Variants in ESYT2 observed in about 807,000 individuals in gnomAD.
The protein encoded by ESYT2 is extended synaptotagmin-2.
A neutral mutation model predicts 107.2 loss-of-function variants in ESYT2; 54 were observed. That is an observed-to-expected ratio of 0.50 (90% CI 0.40 to 0.63). The LOEUF (loss-of-function observed/expected upper bound fraction) is 0.63. Among genes scored for constraint, ESYT2 ranks in the 30% least tolerant of loss-of-function variants. ESYT2 has a pLI of 0.00. For synonymous variants in ESYT2, 491 were observed against 434.1 expected (o/e 1.13, Z -1.63); for missense variants, 1,020 against 1,094.5 (o/e 0.93, Z 0.96).
intron 16 of ESYT2, among the ~76,000 whole-genome samples, chr7:158,746,442 C>A (rs1172203631): frequency 6.7e-6 from 1 of 149,478 alleles, no homozygotes; most frequent in African/African-American, 2.5e-5. Context: ...CCTAAGAGGT[C>A]AAGGCTGCAG....
At chr7:158,765,651 C>A (rs1838131155) in intron 8 of ESYT2, among the ~76,000 whole-genome samples, 1 of 151,990 alleles carries the variant, frequency 6.6e-6, no homozygotes, top group African/African-American at 2.4e-5. Flanking sequence ...TGTGAGAATC[C>A]CTTGAACCCA....
intron 6 of ESYT2, among the ~76,000 whole-genome samples, chr7:158,786,691 G>C (rs1170167156): frequency 6.6e-6 from 1 of 152,150 alleles, no homozygotes; most frequent in Non-Finnish European, 1.5e-5. Context: ...CTTAGTTTAT[G>C]TCAGGTGTAG....
chr7:158,816,050 TGCA>T (rs1291698904), intron 1 of ESYT2, among the ~76,000 whole-genome samples: 1 of 152,162 alleles, frequency 6.6e-6, no homozygotes, highest in Non-Finnish European at 1.5e-5. Flanking sequence ...AAAAGAACGC[TGCA>T]GATGTGGTAA....
intron 1 of ESYT2, among the ~76,000 whole-genome samples, chr7:158,821,055 T>G (rs1213028241): frequency 6.6e-6 from 1 of 152,106 alleles, no homozygotes; most frequent in African/African-American, 2.4e-5. Flanking sequence ...AGGAAAAAAT[T>G]CACAAAAATA....
chr7:158,826,268 ATCTC>A (rs938235130), intron 1 of ESYT2, among the ~76,000 whole-genome samples: 3 of 152,146 alleles, frequency 2.0e-5, no homozygotes, highest in African/African-American at 7.2e-5. Context: ...TATTTTTAAA[ATCTC>A]TCTAAAACTG....
At chr7:158,799,808 C>G (rs1340905857) in intron 1 of ESYT2, among the ~76,000 whole-genome samples, 2 of 152,016 alleles carry the variant, frequency 1.3e-5, no homozygotes, top group African/African-American at 4.8e-5. Flanking sequence ...GGCCTGGATA[C>G]TGGAGAAGGG....
chr7:158,764,626 G>A (rs1186262354), intron 9 of ESYT2, 51 bp downstream of exon 9: 38 of 1,582,294 alleles, frequency 2.4e-5, no homozygotes, highest in Middle Eastern at 1.7e-4. Context: ...TGGCCATCCC[G>A]CTCAGGGCTC....
chr7:158,797,755 G>C (rs1839507753), intron 3 of ESYT2, among the ~76,000 whole-genome samples, 187 bp downstream of exon 3: 1 of 151,846 alleles, frequency 6.6e-6, no homozygotes, highest in Non-Finnish European at 1.5e-5. Flanking sequence ...TCGGGAGGCT[G>C]AGGCAGGAGA....
chr7:158,774,718 T>C (rs1838487940), intron 6 of ESYT2, among the ~76,000 whole-genome samples: 1 of 152,224 alleles, frequency 6.6e-6, no homozygotes, highest in East Asian at 1.9e-4. Flanking sequence ...TTGTTACTTC[T>C]GATCACAAAT....
chr7:158,775,383 C>T (rs1359010279), intron 6 of ESYT2, among the ~76,000 whole-genome samples: 1 of 80,976 alleles, frequency 1.2e-5, no homozygotes, highest in Non-Finnish European at 3.8e-5. Context: ...TGTAGCATGC[C>T]ACACTGTTTG....
rs774765568 is a variant in ESYT2 at position 158,741,692 on chromosome 7, G to A, written c.1999C>T (p.Pro667Ser). ...DKPGMEEKAQPPEAGPQGLHD... is the reference protein window; with the variant it reads ...DKPGMEEKAQSPEAGPQGLHD... Reference sequence around the variant, plus strand: ...AGCCCCTGAGGGCCGGCCTCAGGGGGCTGGGCCTTTTCTTCCATACCAGGC... The same window carrying A: ...AGCCCCTGAGGGCCGGCCTCAGGGGACTGGGCCTTTTCTTCCATACCAGGC... The change falls in exon 18 of 23, where the codon CCC becomes TCC. Residue 667 changes from proline (P) to serine (S), a missense_variant. Coordinates refer to ENST00000275418, the MANE Select transcript of ESYT2 (RefSeq NM_001367773.1). 1.0e-4 allele frequency: 164 copies of A among 1,614,002 alleles called. No homozygotes were observed. The highest frequency in any genetic ancestry group is 1.3e-4 in the Non-Finnish European group (152 of 1,180,012).
chr7:158,742,047 A>T (rs1200997385), intron 17 of ESYT2, 151 bp from the exon 18 acceptor site: 1 of 814,106 alleles, frequency 1.2e-6, no homozygotes, highest in Non-Finnish European at 1.9e-6. Flanking sequence ...AGGTAACCAA[A>T]ATGTCACTTC....
At position 158,733,680 on chromosome 7, in the gene ESYT2, A is replaced by G. The variant is rs1836819303; in HGVS notation, c.*527T>C. The stretch of plus-strand genomic sequence containing the variant: ...ACATACTAGCATTTAATAATATTTC[A>G]GCTTTTCTTTTCAAAAAGAAACACC... On this transcript the variant is annotated 3_prime_UTR_variant, in exon 23 of 23. Transcript: ENST00000275418. The G allele has an allele frequency of 6.6e-6, 1 of 152,396 alleles. No individual in the cohort carries two copies. Among genetic ancestry groups the G allele is most frequent in the Non-Finnish European group, 1.5e-5 (1 of 68,128 alleles). The allele number at this position is 152,396 out of a possible 1,614,324, so 9.4% of individuals were successfully genotyped here. A position where few individuals can be genotyped will look rare whatever the true frequency, so the allele number is the denominator to read the frequency against.
chr7:158,788,010 C>T lies in ESYT2; in HGVS notation c.741G>A (p.Arg247=). ...LVGALSIFFL[R]KPLLEINWTG... ...GAAATAAATATTGACTTACTGGTTT[C>T]CTAAGGAAGAAGATAGACAAAGCTC... The change falls in exon 6 of 23, where the codon AGG becomes AGA. Residue 247 remains arginine (R), a synonymous_variant. Transcript: ENST00000275418. 6.2e-7 allele frequency: 1 copy of T among 1,612,550 alleles called. No individual in the cohort carries two copies. Among genetic ancestry groups the T allele is most frequent in the African/African-American group, 1.3e-5 (1 of 75,002 alleles).
At chr7:158,752,692 G>A (rs1260432753) in intron 14 of ESYT2, 89 bp downstream of exon 14, 2 of 815,798 alleles carry the variant, frequency 2.5e-6, no homozygotes, top group Non-Finnish European at 3.5e-6. Context: ...AAATATGGGA[G>A]GTAATTTGCC....
chr7:158,814,286 A>AATTTT (rs1563038394), intron 1 of ESYT2, among the ~76,000 whole-genome samples: 1 of 110,904 alleles, frequency 9.0e-6, no homozygotes, highest in Non-Finnish European at 1.7e-5. Context: ...AAAAAAAAAA[A>AATTTT]TTATATATAT....
At chr7:158,756,772 C>T (rs568026391) in intron 13 of ESYT2, among the ~76,000 whole-genome samples, 4 of 151,732 alleles carry the variant, frequency 2.6e-5, no homozygotes, top group Admixed American at 1.3e-4. Flanking sequence ...AGCCAGGCGT[C>T]GTGGTGGGTG....
At chr7:158,773,130 C>T (rs554784881) in intron 7 of ESYT2, among the ~76,000 whole-genome samples, 15 of 152,228 alleles carry the variant, frequency 9.9e-5, no homozygotes, top group Admixed American at 7.8e-4. Context: ...CTCCAGAGCC[C>T]TCCCGCCCTG....
chr7:158,759,134 A>G (rs1308303376), intron 13 of ESYT2, among the ~76,000 whole-genome samples: 1 of 152,228 alleles, frequency 6.6e-6, no homozygotes, highest in African/African-American at 2.4e-5. Context: ...TTTTGTAATC[A>G]GAGCTGCTTC....
Sources: allele counts gnomAD v4.1 joint callset (sites outside exome capture counted in the v4.1 genomes callset), GRCh38; gene constraint gnomAD v4.1.1; transcripts MANE v1.5; gene names NCBI Gene and HGNC (gene_info 2026-07-23, HGNC 2026-07-21).